The following LOC122539214 variants were observed in gnomAD, a reference collection of about 807,000 sequenced individuals.
the LOC122539214 span, among the ~76,000 whole-genome samples, chr19:52,681,280 C>CAAAAAAAAAAAAA: frequency 0.01 from 758 of 75,360 alleles, 47 homozygotes; most frequent in South Asian, 0.017. Context: ...GAGACTTTCT[C>CAAAAAAAAAAAAA]AAAAAAAAAA....
chr19:52,672,600 G>A, the LOC122539214 span, among the ~76,000 whole-genome samples: 1 of 152,118 alleles, frequency 6.6e-6, no homozygotes, highest in Non-Finnish European at 1.5e-5. Flanking sequence ...AATTAATTAA[G>A]TTACTTATTT....
chr19:52,689,548 CT>C, the LOC122539214 span, among the ~76,000 whole-genome samples: 669 of 152,288 alleles, frequency 4.4e-3, no homozygotes, highest in Middle Eastern at 0.031. Context: ...TTTGCTGCCC[CT>C]CTCCCTACCT....
At chr19:52,667,971 G>A in the LOC122539214 span, among the ~76,000 whole-genome samples, 2 of 152,050 alleles carry the variant, frequency 1.3e-5, no homozygotes, top group Admixed American at 1.3e-4. Flanking sequence ...AATAAAAATA[G>A]GTGCTAAAGA....
At chr19:52,672,874 CA>C in the LOC122539214 span, among the ~76,000 whole-genome samples, 1 of 151,644 alleles carries the variant, frequency 6.6e-6, no homozygotes, top group Non-Finnish European at 1.5e-5. Flanking sequence ...CCGTGCATGG[CA>C]AAAAAGTTTA....
At chr19:52,661,736 C>T in the LOC122539214 span, among the ~76,000 whole-genome samples, 10 of 152,170 alleles carry the variant, frequency 6.6e-5, no homozygotes, top group East Asian at 3.9e-4. Flanking sequence ...CAGTGAACAG[C>T]GAAGGAGCTA....
the LOC122539214 span, among the ~76,000 whole-genome samples, chr19:52,676,096 T>G: frequency 2.0e-5 from 3 of 152,164 alleles, no homozygotes; most frequent in Non-Finnish European, 4.4e-5. Flanking sequence ...TTCTCCTGCC[T>G]CAGCCTGCTG....
chr19:52,677,020 A>G, the LOC122539214 span, among the ~76,000 whole-genome samples: 5 of 147,230 alleles, frequency 3.4e-5, no homozygotes, highest in South Asian at 2.2e-4. Context: ...GCCTAGGAAA[A>G]CCAGAGACCT....
At chr19:52,674,627 G>A in the LOC122539214 span, among the ~76,000 whole-genome samples, 6 of 152,032 alleles carry the variant, frequency 3.9e-5, no homozygotes, top group Non-Finnish European at 8.8e-5. Flanking sequence ...TGCAATAACA[G>A]TAAAAAATTT....
chr19:52,685,633 T>C, the LOC122539214 span, among the ~76,000 whole-genome samples: 1 of 151,924 alleles, frequency 6.6e-6, no homozygotes, highest in African/African-American at 2.4e-5. Context: ...ACGGTAGCTC[T>C]TGCCTGTAAT....
the LOC122539214 span, chr19:52,655,696 A>G: frequency 2.0e-6 from 2 of 1,022,112 alleles, no homozygotes; most frequent in East Asian, 2.4e-5. Context: ...CCCTAAAATT[A>G]AACACACATT....
chr19:52,684,529 AAT>A, the LOC122539214 span, among the ~76,000 whole-genome samples: 1 of 144,590 alleles, frequency 6.9e-6, no homozygotes, highest in South Asian at 2.3e-4. Context: ...TAGTTTGGAC[AAT>A]AGAGTGAGAC....
the LOC122539214 span, chr19:52,660,768 A>G: frequency 4.7e-6 from 1 of 213,356 alleles, no homozygotes. Context: ...TTACCTGAGG[A>G]AGAGCCATCC....
At chr19:52,686,956 C>T in the LOC122539214 span, among the ~76,000 whole-genome samples, 1 of 151,864 alleles carries the variant, frequency 6.6e-6, no homozygotes, top group African/African-American at 2.4e-5. Flanking sequence ...TCGAGGTGAG[C>T]AGATCACCTG....
At chr19:52,687,215 C>T in the LOC122539214 span, among the ~76,000 whole-genome samples, 4 of 146,370 alleles carry the variant, frequency 2.7e-5, no homozygotes, top group Non-Finnish European at 4.5e-5. Flanking sequence ...GTAGGCCAGG[C>T]GCAGTGCCTC....
At chr19:52,660,445 C>T in the LOC122539214 span, among the ~76,000 whole-genome samples, 1 of 151,984 alleles carries the variant, frequency 6.6e-6, no homozygotes. Flanking sequence ...ATGGTGAAAT[C>T]CTGTCTCTAT....
the LOC122539214 span, among the ~76,000 whole-genome samples, chr19:52,659,892 T>C: frequency 6.6e-6 from 1 of 152,110 alleles, no homozygotes. Context: ...TCCTGTAATA[T>C]TATCAAGATA....
chr19:52,658,553 G>A, the LOC122539214 span, among the ~76,000 whole-genome samples: 1 of 152,102 alleles, frequency 6.6e-6, no homozygotes, highest in Non-Finnish European at 1.5e-5. Context: ...TGACAGTGTT[G>A]GGATTTACTC....
chr19:52,665,205 G>C, the LOC122539214 span, among the ~76,000 whole-genome samples: 1 of 152,050 alleles, frequency 6.6e-6, no homozygotes, highest in Non-Finnish European at 1.5e-5. Flanking sequence ...TGCCTGGGGT[G>C]GGGAGCAGAG....
the LOC122539214 span, among the ~76,000 whole-genome samples, chr19:52,683,448 C>G: frequency 6.7e-6 from 1 of 149,430 alleles, no homozygotes. Flanking sequence ...CGGAACAGAA[C>G]TAGTTGTGTA....
Sources: allele counts gnomAD v4.1 joint callset (sites outside exome capture counted in the v4.1 genomes callset), GRCh38; gene constraint gnomAD v4.1.1; transcripts MANE v1.5.